Variants in IFT140 observed in about 807,000 individuals in gnomAD.
IFT140 encodes the protein intraflagellar transport protein 140 homolog.
IFT140 carries 133 observed loss-of-function variants against 164.6 expected under a neutral mutation model. That is an observed-to-expected ratio of 0.81 (90% CI 0.70 to 0.93). The LOEUF (loss-of-function observed/expected upper bound fraction) is 0.93, where lower values mean the gene tolerates loss of function less well. Among genes scored for constraint, IFT140 ranks in the 40% least tolerant of loss-of-function variants. The pLI is 0.00. For missense variants in IFT140, 2,045 were observed against 1,972.3 expected (o/e 1.04, Z -0.70); for synonymous variants, 860 against 817.3 (o/e 1.05, Z -0.89).
chr16:1,579,845 T>A (rs1420720452), intron 13 of IFT140, among the ~76,000 whole-genome samples: 3 of 151,622 alleles, frequency 2.0e-5, no homozygotes, highest in African/African-American at 7.3e-5. Context: ...ACACCTGTAG[T>A]CCTAGCTACT....
At chr16:1,545,368 C>T (rs1047332642) in intron 19 of IFT140, among the ~76,000 whole-genome samples, 18 of 152,228 alleles carry the variant, frequency 1.2e-4, no homozygotes, top group Admixed American at 2.0e-4. Context: ...ACCTCTCCCC[C>T]TCAGTGTCCA....
intron 19 of IFT140, among the ~76,000 whole-genome samples, chr16:1,548,218 T>C (rs547966303): frequency 1.3e-5 from 2 of 152,270 alleles, no homozygotes; most frequent in African/African-American, 2.4e-5. Context: ...CTGCTCCGCA[T>C]AGATTCTCTT....
chr16:1,595,147 T>C (rs960357368), intron 4 of IFT140, among the ~76,000 whole-genome samples: 18 of 151,998 alleles, frequency 1.2e-4, no homozygotes, highest in African/African-American at 3.9e-4. Context: ...TAGCCGGGCG[T>C]GGCGGCGGGC....
chr16:1,577,039 G>A (rs917985527), intron 13 of IFT140: 1 of 152,210 alleles, frequency 6.6e-6, no homozygotes, highest in African/African-American at 2.4e-5. Flanking sequence ...GACCTCTCAC[G>A]GTTCTAGAGG....
rs530846982 is a variant in IFT140 at position 1,562,206 on chromosome 16, G to C, written c.2068-90C>G. The C allele has an allele frequency of 2.6e-6, 3 of 1,175,316 alleles. No homozygotes were observed. In the East Asian group the frequency reaches 8.0e-5, roughly 31 times the overall value. The allele number at this position is 1,175,316 out of a possible 1,614,324, so 72.8% of individuals were successfully genotyped here. On this transcript the variant is annotated intron_variant, in intron 17 of 30. Transcript: ENST00000426508. The stretch of plus-strand genomic sequence containing the variant: ...AGTGCCATTTTGCTACACACACTGC[G>C]TCACGGTGGGGTCGTTGCTACACAC...
At chr16:1,526,943 G>T in intron 19 of IFT140, 147 bp from the exon 20 acceptor site, 1 of 847,202 alleles carries the variant, frequency 1.2e-6, no homozygotes, top group Non-Finnish European at 1.8e-6. Context: ...CTCCGCCCCT[G>T]GGCAAGACTG....
At chr16:1,584,843 C>T (rs957421361) in intron 10 of IFT140, among the ~76,000 whole-genome samples, 6 of 152,160 alleles carry the variant, frequency 3.9e-5, no homozygotes, top group African/African-American at 1.4e-4. Context: ...TTATATTAAA[C>T]TTCTAAATCT....
rs2035389671 is a variant in IFT140, at chr16:1,595,135, A to G, written c.370-2547T>C. Among the ~76,000 whole-genome samples, 2 of 151,858 alleles carry G rather than the reference A, an allele frequency of 1.3e-5. 1 individual carries two copies. Among genetic ancestry groups the G allele is most frequent in the South Asian group, 4.2e-4 (2 of 4,818 alleles). On this transcript the variant is annotated intron_variant, in intron 4 of 30. Coordinates refer to ENST00000426508, the MANE Select transcript of IFT140 (RefSeq NM_014714.4). The stretch of plus-strand genomic sequence containing the variant: ...CCTGTCTCTACTAAAAATACAAAAG[A>G]TTAGCCGGGCGTGGCGGCGGGCGCC...
chr16:1,529,627 T>C (rs752344978), intron 19 of IFT140, among the ~76,000 whole-genome samples: 1 of 152,228 alleles, frequency 6.6e-6, no homozygotes, highest in Non-Finnish European at 1.5e-5. Flanking sequence ...CTGCCCTCGG[T>C]CCTCTAGAGC....
rs917054036 is a variant in IFT140, at chr16:1,564,244, C to G, written c.1902-82G>C. 4 of 1,272,128 alleles carry G rather than the reference C, an allele frequency of 3.1e-6. No individual in the cohort carries two copies. The African/African-American group carries it at 6.1e-5, about 19-fold the overall frequency. 78.8% of individuals were successfully genotyped at this position (1,272,128 alleles called of 1,614,324 possible). On this transcript the variant is annotated intron_variant, in intron 16 of 30. Coordinates refer to ENST00000426508, the MANE Select transcript of IFT140 (RefSeq NM_014714.4). This position sits in a 1 kb window ranked among gnomAD's most constrained non-coding sequence, Gnocchi z 5.5. Reference sequence around the variant, plus strand: ...CTCCCTCCCACACACATTCCCGAAGCCTCCAGGTGCTGTCCCAGACCATGG... The same window carrying G: ...CTCCCTCCCACACACATTCCCGAAGGCTCCAGGTGCTGTCCCAGACCATGG...
At chr16:1,571,902 G>A (rs1195164401) in intron 13 of IFT140, among the ~76,000 whole-genome samples, 1 of 152,184 alleles carries the variant, frequency 6.6e-6, no homozygotes, top group Admixed American at 6.5e-5. Flanking sequence ...TGCCAGGCAC[G>A]GAGAGAGGGC....
intron 26 of IFT140, among the ~76,000 whole-genome samples, chr16:1,521,391 T>C (rs534122371): frequency 1.3e-5 from 2 of 150,718 alleles, no homozygotes; most frequent in South Asian, 4.2e-4. Context: ...TTAAGAAATA[T>C]ATATATTTTT....
chr16:1,525,373 C>A, intron 21 of IFT140, 47 bp from the exon 22 acceptor site: 1 of 1,471,480 alleles, frequency 6.8e-7, no homozygotes, highest in Non-Finnish European at 9.4e-7. Flanking sequence ...CATCCCAGCC[C>A]CACGGGAACC....
At chr16:1,525,097 G>A (rs755498434) in intron 22 of IFT140, 134 bp downstream of exon 22, 53 of 1,167,050 alleles carry the variant, frequency 4.5e-5, no homozygotes, top group Non-Finnish European at 6.0e-5. Context: ...CCCTGGCATG[G>A]CTCTGAGGAG....
At chr16:1,569,181 G>C (rs1479620704) in intron 14 of IFT140, among the ~76,000 whole-genome samples, 1 of 151,836 alleles carries the variant, frequency 6.6e-6, no homozygotes, top group Admixed American at 6.6e-5. Flanking sequence ...ATTTATTTTT[G>C]TATTTTTAGT....
At chr16:1,521,257 G>A (rs1262872583) in intron 26 of IFT140, among the ~76,000 whole-genome samples, 1 of 151,938 alleles carries the variant, frequency 6.6e-6, no homozygotes, top group Non-Finnish European at 1.5e-5. Flanking sequence ...GTAGAGACGG[G>A]GTTTTGCAAT....
chr16:1,550,036 G>C (rs1161647632), intron 19 of IFT140, among the ~76,000 whole-genome samples: 1 of 151,976 alleles, frequency 6.6e-6, no homozygotes, highest in African/African-American at 2.4e-5. Flanking sequence ...GCTTACTGCA[G>C]ACTCGACCTC....
intron 19 of IFT140, chr16:1,541,474 G>A: frequency 1.0e-6 from 1 of 985,384 alleles, no homozygotes; most frequent in Non-Finnish European, 1.2e-6. Flanking sequence ...TGAGGAGCTG[G>A]CCCCCCGCGG....
chr16:1,535,765 C>T (rs550023806), intron 19 of IFT140, among the ~76,000 whole-genome samples: 4 of 152,374 alleles, frequency 2.6e-5, no homozygotes, highest in East Asian at 3.9e-4. Context: ...TCGGCTGCAC[C>T]GCACAGCCTG....
Sources: allele counts gnomAD v4.1 joint callset (sites outside exome capture counted in the v4.1 genomes callset), GRCh38; gene constraint gnomAD v4.1.1; non-coding constraint Gnocchi (gnomAD v3.1); transcripts MANE v1.5; gene names NCBI Gene and HGNC (gene_info 2026-07-23, HGNC 2026-07-21).